ADGRG4: variants seen among roughly 807,000 people sequenced by gnomAD.
ADGRG4 encodes the protein adhesion G protein-coupled receptor G4.
Under a neutral mutation model 126.2 loss-of-function variants are expected in ADGRG4, and 122 were observed. That is an observed-to-expected ratio of 0.97 (90% CI 0.83 to 1.12). ADGRG4 has a LOEUF of 1.12. Among genes scored for constraint, ADGRG4 ranks in the 50% most tolerant of loss-of-function variants. ADGRG4 has a pLI of 0.00. For missense variants in ADGRG4, 2,481 were observed against 2,251.8 expected, an observed-to-expected ratio of 1.10 and a Z score of -2.06; for synonymous variants, 943 against 838.7, an observed-to-expected ratio of 1.12 and a Z score of -2.15.
chrX:136,391,870 T>C (rs781478886), intron 16 of ADGRG4, among the ~76,000 whole-genome samples: 14 of 112,792 alleles, frequency 1.2e-4, no homozygotes, highest in Admixed American at 4.7e-4. Context: ...TAAGCAAGGA[T>C]GGTTGAGAGT....
chrX:136,409,984 A>G lies in ADGRG4; in HGVS notation c.8936-2281A>G, dbSNP rs372455858. 7.1e-5 allele frequency among the ~76,000 whole-genome samples: 8 copies of G among 112,785 alleles called. No individual in the cohort carries two copies. The East Asian group carries it at 2.2e-3, about 31-fold the overall frequency. On this transcript the variant is annotated intron_variant, in intron 23 of 25. Transcript: ENST00000394143. The stretch of plus-strand genomic sequence containing the variant: ...CCATGTTAGCCCTGTGACCTGGGTC[A>G]AGTTTACTAGACTTCTTGGACTCCA...
chrX:136,376,481 G>A (rs893953301), intron 15 of ADGRG4, among the ~76,000 whole-genome samples: 3 of 111,864 alleles, frequency 2.7e-5, no homozygotes, highest in Non-Finnish European at 5.6e-5. Context: ...GCTTTTGGCA[G>A]TATGGCCATT....
At position 136,345,688 on chromosome X, in the gene ADGRG4, A is replaced by C. The variant is rs771276734; in HGVS notation, c.1982A>C (p.Asp661Ala). The C allele has an allele frequency of 1.7e-6, 2 of 1,211,356 alleles. No individual in the cohort carries two copies. The highest frequency in any genetic ancestry group is 3.5e-5 in the South Asian group (2 of 56,946). ...SNETIWTSRP[D>A]QALLASMNTT... Reference sequence around the variant, plus strand: ...GAGACCATTTGGACTTCTAGGCCAGACCAGGCCCTGCTGGCATCTATGAAC... The same window carrying C: ...GAGACCATTTGGACTTCTAGGCCAGCCCAGGCCCTGCTGGCATCTATGAAC... The change falls in exon 6 of 26, where the codon GAC becomes GCC. Residue 661 changes from aspartate to alanine, a missense_variant. Asp to Ala is a moderately radical substitution (Grantham distance 126, BLOSUM62 -2). Coordinates refer to ENST00000394143, the MANE Select transcript of ADGRG4 (RefSeq NM_153834.4).
At position 136,392,136 on chromosome X, in the gene ADGRG4, A is replaced by G. The variant is rs1483987730; in HGVS notation, c.7912-96A>G. On this transcript the variant is annotated intron_variant, in intron 16 of 25. Coordinates refer to ENST00000394143, the MANE Select transcript of ADGRG4 (RefSeq NM_153834.4). ...TTTTATTTTCCACATTTCTGTACCTAACATTGTGTGTAGCACTTCAAAATT... is the reference window on the plus strand; with the variant it reads ...TTTTATTTTCCACATTTCTGTACCTGACATTGTGTGTAGCACTTCAAAATT... The G allele has an allele frequency of 4.1e-6, 3 of 731,943 alleles. No individual in the cohort carries two copies. The African/African-American group carries it at 6.4e-5, about 16-fold the overall frequency. 60.3% of individuals were successfully genotyped at this position (731,943 alleles called of 1,213,427 possible). A position where few individuals can be genotyped will look rare whatever the true frequency, so the allele number is the denominator to read the frequency against.
chrX:136,376,064 G>A (rs903143470), intron 15 of ADGRG4, among the ~76,000 whole-genome samples: 33 of 111,503 alleles, frequency 3.0e-4, no homozygotes, highest in South Asian at 7.5e-4. Context: ...TCCATCTTGC[G>A]TTAATTTTTG....
At chrX:136,309,182 T>C (rs907714712) in intron 4 of ADGRG4, among the ~76,000 whole-genome samples, 1 of 112,622 alleles carries the variant, frequency 8.9e-6, no homozygotes, top group Non-Finnish European at 1.9e-5. Context: ...CTCTCCTCCG[T>C]AATGCTTTAT....
At chrX:136,416,382 TTTC>T (rs2075475485) in intron 25 of ADGRG4, 69 bp from the exon 26 acceptor site, 1 of 817,146 alleles carries the variant, frequency 1.2e-6, no homozygotes, top group Non-Finnish European at 1.8e-6. Flanking sequence ...TTGATAAAAT[TTTC>T]TTATGCTTCT....
chrX:136,392,790 A>G (rs1174012775), intron 17 of ADGRG4, among the ~76,000 whole-genome samples: 1 of 112,182 alleles, frequency 8.9e-6, no homozygotes, highest in Non-Finnish European at 1.9e-5. Flanking sequence ...CTAAATAATC[A>G]ACTTTAGCCT....
intron 15 of ADGRG4, among the ~76,000 whole-genome samples, chrX:136,385,022 C>T (rs1358336378): frequency 6.3e-5 from 7 of 110,805 alleles, no homozygotes; most frequent in Non-Finnish European, 1.3e-4. Flanking sequence ...TCACCATTTT[C>T]TCTTTCCTCT....
intron 23 of ADGRG4, among the ~76,000 whole-genome samples, chrX:136,411,323 T>C (rs1348476497): frequency 8.9e-6 from 1 of 112,727 alleles, no homozygotes; most frequent in Non-Finnish European, 1.9e-5. Flanking sequence ...ATGCTGGGAT[T>C]ACAGGCGTGA....
chrX:136,354,087 C>T (rs549699511), intron 8 of ADGRG4, among the ~76,000 whole-genome samples: 1 of 112,396 alleles, frequency 8.9e-6, no homozygotes, highest in South Asian at 3.7e-4. Context: ...TGCCTGTCTT[C>T]TGTACACTGG....
In ADGRG4 at chrX:136,345,082, C is replaced by A; in HGVS notation, c.1376C>A (p.Thr459Asn). ...FTVEKTSPAS[T>N]HVGTASSFPP... ...GTGGAAAAGACTTCACCTGCATCTA[C>A]TCATGTTGGGACTGCATCATCATTC... Residue 459 changes from threonine to asparagine, a missense_variant, in exon 6 of 26, where the codon ACT (threonine) becomes AAT (asparagine). By Grantham distance (65) the Thr-to-Asn change is moderately conservative (BLOSUM62 0). Coordinates refer to ENST00000394143, the MANE Select transcript of ADGRG4 (RefSeq NM_153834.4). 1 of 1,211,004 alleles carries A rather than the reference C, an allele frequency of 8.3e-7. No homozygotes were observed. The highest frequency in any genetic ancestry group is 2.3e-4 in the Middle Eastern group (1 of 4,349).
intron 8 of ADGRG4, among the ~76,000 whole-genome samples, chrX:136,353,807 A>G (rs2075077286): frequency 1.8e-5 from 2 of 112,242 alleles, no homozygotes; most frequent in Non-Finnish European, 1.9e-5. Flanking sequence ...TCCAAAGTGA[A>G]CTTGAAATGT....
chrX:136,384,963 T>C (rs190709312), intron 15 of ADGRG4, among the ~76,000 whole-genome samples: 1 of 111,367 alleles, frequency 9.0e-6, no homozygotes, highest in Admixed American at 9.6e-5. Flanking sequence ...TTATACCTTT[T>C]ACTGAATTTG....
Position 136,348,613 on chromosome X carries a change from C to A in ADGRG4, c.4907C>A (p.Ala1636Glu). 1.7e-6 allele frequency: 2 copies of A among 1,210,474 alleles called. No individual in the cohort carries two copies. Among genetic ancestry groups the A allele is most frequent in the Non-Finnish European group, 2.2e-6 (2 of 894,899 alleles). The change falls in exon 6 of 26, where the codon GCA becomes GAA. Residue 1636 changes from alanine to glutamate, a missense_variant. Ala to Glu is a moderately radical substitution (Grantham distance 107). Coordinates refer to ENST00000394143, the MANE Select transcript of ADGRG4 (RefSeq NM_153834.4). ...SSAFTTEMIEAPSRITPTTFL... is the reference protein window; with the variant it reads ...SSAFTTEMIEEPSRITPTTFL... ...GCTTTCACTACAGAAATGATAGAGG[C>A]ACCTTCCAGGATCACACCTACGACC...
intron 15 of ADGRG4, among the ~76,000 whole-genome samples, chrX:136,385,203 C>T (rs2075286685): frequency 9.0e-6 from 1 of 110,871 alleles, no homozygotes; most frequent in Non-Finnish European, 1.9e-5. Flanking sequence ...ACTATTGGAC[C>T]CATCCTGTGC....
At position 136,317,163 on chromosome X, in the gene ADGRG4, G is replaced by A. The variant is rs756434317; in HGVS notation, c.71-5615G>A. 6.3e-4 allele frequency among the ~76,000 whole-genome samples: 70 copies of A among 111,509 alleles called. 1 individual carries two copies. Among genetic ancestry groups the A allele is most frequent in the African/African-American group, 2.2e-3 (69 of 30,765 alleles). ...AACATTCTTAGAGGAAAGCATAAGGGAGAATCTTCACGACCTTTGGTTTGG... is the reference window on the plus strand; with the variant it reads ...AACATTCTTAGAGGAAAGCATAAGGAAGAATCTTCACGACCTTTGGTTTGG... On this transcript the variant is annotated intron_variant, in intron 4 of 25. Transcript: ENST00000394143.
chrX:136,349,524 A>G lies in ADGRG4; in HGVS notation c.5818A>G (p.Ile1940Val), dbSNP rs1318018181. 1 of 1,207,316 alleles carries G rather than the reference A, an allele frequency of 8.3e-7. No individual in the cohort carries two copies. The highest frequency in any genetic ancestry group is 3.0e-5 in the East Asian group (1 of 33,820). The part of the protein sequence containing the change: ...VSKDVMAMSS[I>V]PMSGILPNHG... ...TAAAGATGTCATGGCAATGTCATCA[A>G]TTCCTATGTCAGGAATTCTTCCTAA... Residue 1940 changes from isoleucine (I) to valine (V), a missense_variant, in exon 6 of 26, where the codon ATT becomes GTT. Physicochemically the swap from Ile to Val is conservative, Grantham distance 29. Coordinates refer to ENST00000394143, the MANE Select transcript of ADGRG4 (RefSeq NM_153834.4).
At chrX:136,303,457 A>AAGAC (rs72009915) in intron 1 of ADGRG4, among the ~76,000 whole-genome samples, 43 of 110,776 alleles carry the variant, frequency 3.9e-4, no homozygotes, top group Middle Eastern at 9.3e-3. Flanking sequence ...TCTCAAAGGA[A>AAGAC]AGACAGACAG....
Sources: gnomAD v4.1 joint callset for allele counts (sites outside exome capture counted in the v4.1 genomes callset) on GRCh38, gnomAD v4.1.1 for gene constraint, MANE v1.5 for transcripts, NCBI Gene and HGNC (gene_info 2026-07-23, HGNC 2026-07-21) for gene names.